DCHS1: variants seen among roughly 807,000 people sequenced by gnomAD.
DCHS1 encodes dachsous cadherin-related 1.
Under a neutral mutation model 213.9 loss-of-function variants are expected in DCHS1, and 78 were observed. The ratio of observed to expected loss-of-function variants is 0.36; its 90% CI spans 0.30 to 0.44. DCHS1 has a LOEUF of 0.44. Among genes scored for constraint, DCHS1 ranks in the 20% least tolerant of loss-of-function variants. The pLI is 1.00. For synonymous variants in DCHS1, 1,828 were observed against 1,873.7 expected (o/e 0.98, Z 0.63); for missense variants, 3,946 against 4,395.9 (o/e 0.90, Z 2.89).
chr11:6,641,514 C>CGAG lies in DCHS1; in HGVS notation c.99_100insCTC (p.Leu33dup), dbSNP rs376287018. The CGAG allele has an allele frequency of 6.4e-7, 1 of 1,551,224 alleles. No individual in the cohort carries two copies. The highest frequency in any genetic ancestry group is 8.7e-7 in the Non-Finnish European group (1 of 1,148,716). The stretch of plus-strand genomic sequence containing the variant: ...CCCCAGGCACCTGGCACCCCAGCCC[C>CGAG]CAGCAGCAGCAGCAGCAGCAGCAGC... On this transcript the variant is annotated inframe_insertion, in exon 2 of 21. Transcript: ENST00000299441. The surrounding 1 kb of genome is among the most constrained non-coding windows in gnomAD (Gnocchi z 7.1).
chr11:6,648,525 A>C (rs1388215613), intron 1 of DCHS1, among the ~76,000 whole-genome samples: 1 of 152,216 alleles, frequency 6.6e-6, no homozygotes, highest in East Asian at 1.9e-4. Flanking sequence ...GGGAAATGAG[A>C]AAGAATGGAT....
In DCHS1 at chr11:6,630,338, G is replaced by A; in HGVS notation, c.4456C>T (p.Leu1486Phe). 7.6e-7 allele frequency: 1 copy of A among 1,310,884 alleles called. No individual in the cohort carries two copies. The allele number at this position is 1,310,884 out of a possible 1,614,324, so 81.2% of individuals were successfully genotyped here. A position where few individuals can be genotyped will look rare whatever the true frequency, so the allele number is the denominator to read the frequency against. Reference protein sequence around the residue: ...LLRQEPPVPALRLDARTGALS... With the variant: ...LLRQEPPVPAFRLDARTGALS... Reference sequence around the variant, plus strand: ...GCCCCGGTGCGCGCGTCCAGGCGAAGCGCCGGCACGGGCGGCTCCTGGCGC... The same window carrying A: ...GCCCCGGTGCGCGCGTCCAGGCGAAACGCCGGCACGGGCGGCTCCTGGCGC... The change falls in exon 10 of 21, where the codon CTT (leucine) becomes TTT (phenylalanine). Residue 1486 changes from leucine to phenylalanine, a missense_variant. Transcript: ENST00000299441.
At position 6,630,753 on chromosome 11, in the gene DCHS1, G is replaced by A; in HGVS notation, c.4041C>T (p.Pro1347=). 3 of 1,545,928 alleles carry A rather than the reference G, an allele frequency of 1.9e-6. No homozygotes were observed. Among genetic ancestry groups the A allele is most frequent in the Non-Finnish European group, 2.6e-6 (3 of 1,147,330 alleles). ...LTVTAAEGLR[P]GSLLGSVAAP... ...CTGCCACCGAGCCCAACAGAGAGCC[G>A]GGCCGCAGTCCCTCAGCTGCTGTCA... is the stretch of plus-strand genomic sequence containing the variant. Residue 1347 remains proline, a synonymous_variant, in exon 10 of 21, where the codon CCC becomes CCT. Coordinates refer to ENST00000299441, the MANE Select transcript of DCHS1 (RefSeq NM_003737.4).
chr11:6,630,414 C>A lies in DCHS1; in HGVS notation c.4380G>T (p.Ala1460=). ...TGGGGCCGGGGCCGTCGGCGTCCGA[C>A]GCGCGGAAAGTGTACAGCGCTGCGC... ...EPGAALYTFR[A]SDADGPGPNS... is the part of the protein sequence containing the mutation. The change falls in exon 10 of 21, where the codon GCG becomes GCT. Residue 1460 remains alanine (A), a synonymous_variant. Coordinates refer to ENST00000299441, the MANE Select transcript of DCHS1 (RefSeq NM_003737.4). The A allele has an allele frequency of 6.9e-7, 1 of 1,439,274 alleles. No homozygotes were observed. Among genetic ancestry groups the A allele is most frequent in the South Asian group, 1.3e-5 (1 of 75,678 alleles). The allele number at this position is 1,439,274 out of a possible 1,614,324, so 89.2% of individuals were successfully genotyped here.
chr11:6,640,583 C>G lies in DCHS1; in HGVS notation c.1031G>C (p.Gly344Ala). The change falls in exon 2 of 21, where the codon GGC (glycine) becomes GCC (alanine). Residue 344 changes from glycine (G) to alanine (A), a missense_variant. Transcript: ENST00000299441. The surrounding 1 kb of genome is among the most constrained non-coding windows in gnomAD (Gnocchi z 6.5). ...ARDGGAHPEL[G>A]SAFVTVHVRD... ...CACATGCACAGTCACAAAGGCCGAG[C>G]CCAGCTCAGGGTGAGCCCCACCATC... The G allele has an allele frequency of 6.2e-7, 1 of 1,608,650 alleles. No homozygotes were observed. The highest frequency in any genetic ancestry group is 8.5e-7 in the Non-Finnish European group (1 of 1,179,862).
At chr11:6,635,737 G>GCGGCGGC in intron 2 of DCHS1, among the ~76,000 whole-genome samples, 1 of 152,312 alleles carries the variant, frequency 6.6e-6, no homozygotes, top group Middle Eastern at 3.4e-3. Flanking sequence ...CAGCACAGCT[G>GCGGCGGC]CGGCACCATC....
At chr11:6,648,554 A>G (rs1465175973) in intron 1 of DCHS1, among the ~76,000 whole-genome samples, 1 of 152,224 alleles carries the variant, frequency 6.6e-6, no homozygotes, top group African/African-American at 2.4e-5. Context: ...AGCTAGCCAT[A>G]GAGCAGACAT....
intron 2 of DCHS1, among the ~76,000 whole-genome samples, chr11:6,639,262 G>A (rs970759014): frequency 1.3e-5 from 2 of 152,298 alleles, no homozygotes; most frequent in Middle Eastern, 3.4e-3. Flanking sequence ...CAGCCAGTAT[G>A]TGTCTTTCTC....
chr11:6,624,602 G>A (rs1855763384), intron 20 of DCHS1, 128 bp downstream of exon 20: 2 of 1,439,610 alleles, frequency 1.4e-6, no homozygotes, highest in African/African-American at 2.8e-5. Flanking sequence ...GAAGACAGAG[G>A]GGAGGAAATG....
intron 2 of DCHS1, among the ~76,000 whole-genome samples, chr11:6,639,120 AAAAG>A (rs1474107011): frequency 2.0e-5 from 3 of 152,014 alleles, no homozygotes; most frequent in Non-Finnish European, 4.4e-5. Context: ...AAAAAAAAAA[AAAAG>A]AAGTTCAGTG....
In DCHS1 at chr11:6,623,296, A is replaced by G. The variant is rs1855735865; in HGVS notation, c.8380T>C (p.Ser2794Pro). The G allele has an allele frequency of 6.3e-7, 1 of 1,589,160 alleles. No homozygotes were observed. Among genetic ancestry groups the G allele is most frequent in the Non-Finnish European group, 8.6e-7 (1 of 1,167,706 alleles). ...LVGAADAGNL[S>P]ASVTVSVLVT... ...AGCACCGACACAGTGACAGAGGCTG[A>G]GAGATTCCCAGCATCAGCAGCACCC... Residue 2794 changes from serine to proline, a missense_variant, in exon 21 of 21, where the codon TCA (serine) becomes CCA (proline). Physicochemically the swap from Ser to Pro is moderately conservative, Grantham distance 74 (BLOSUM62 -1). Transcript: ENST00000299441.
intron 1 of DCHS1, 87 bp downstream of exon 1, chr11:6,655,476 C>T: frequency 5.7e-6 from 5 of 883,730 alleles, no homozygotes; most frequent in Non-Finnish European, 6.8e-6. Flanking sequence ...ACAAAGCCCC[C>T]GGCTCCGCCG....
chr11:6,633,764 G>T, intron 4 of DCHS1, 25 bp downstream of exon 4: 1 of 1,605,896 alleles, frequency 6.2e-7, no homozygotes, highest in Non-Finnish European at 8.5e-7. Context: ...CTGGGGGAAG[G>T]CCCCGGGAAT....
Position 6,626,692 on chromosome 11 carries a change from T to C in DCHS1, c.6251-27A>G, listed in dbSNP as rs953302819. ...TGCAGAAAGAACGGTATTGTTGGAC[T>C]GTGAGCGCGAGACTGGGAGAGTTTG... On this transcript the variant is annotated intron_variant, in intron 14 of 20. Transcript: ENST00000299441. This position sits in a 1 kb window ranked among gnomAD's most constrained non-coding sequence, Gnocchi z 5.2. The C allele has an allele frequency of 6.2e-7, 1 of 1,612,778 alleles. No homozygotes were observed. Among genetic ancestry groups the C allele is most frequent in the Non-Finnish European group, 8.5e-7 (1 of 1,179,304 alleles).
Position 6,625,966 on chromosome 11 carries a change from T to C in DCHS1, c.6685A>G (p.Ile2229Val), listed in dbSNP as rs748941825. ...LFHVDPTTGT[I>V]TTTAILDREI... is the part of the protein sequence containing the mutation. ...CGGTCCAGGATGGCTGTGGTAGTGA[T>C]AGTGCCTGTGGTTGGGTCTACGTGG... The change falls in exon 17 of 21, where the codon ATC (isoleucine) becomes GTC (valine). Residue 2229 changes from isoleucine to valine, a missense_variant. Transcript: ENST00000299441. This position sits in a 1 kb window ranked among gnomAD's most constrained non-coding sequence, Gnocchi z 5.3. The C allele has an allele frequency of 1.9e-6, 3 of 1,613,658 alleles. No homozygotes were observed. The highest frequency in any genetic ancestry group is 2.5e-6 in the Non-Finnish European group (3 of 1,179,766).
intron 4 of DCHS1, 45 bp downstream of exon 4, chr11:6,633,744 G>T: frequency 1.2e-6 from 2 of 1,600,352 alleles, no homozygotes; most frequent in South Asian, 2.2e-5. Context: ...AGGCAGGTGG[G>T]GAGGGGGACC....
rs752799248 is a variant in DCHS1, at chr11:6,622,219, C to T, written c.9457G>A (p.Gly3153Ser). The T allele has an allele frequency of 4.2e-5, 68 of 1,600,952 alleles. No individual in the cohort carries two copies. The highest frequency in any genetic ancestry group is 5.4e-5 in the Non-Finnish European group (63 of 1,175,934). ...VAGALTAIVA[G>S]EEELRGSYNW... ...TAGCTGCCACGGAGCTCCTCCTCGC[C>T]GGCCACAATGGCTGTCAGCGCACCT... is the stretch of plus-strand genomic sequence containing the variant. The change falls in exon 21 of 21, where the codon GGC becomes AGC. Residue 3153 changes from glycine (G) to serine (S), a missense_variant. By Grantham distance (56) the Gly-to-Ser change is moderately conservative. Around this residue, in one of 3 missense-constraint regions of DCHS1, gnomAD observed 554 missense variants for 590.2 expected, o/e 0.94. Transcript: ENST00000299441. The surrounding 1 kb of genome is among the most constrained non-coding windows in gnomAD (Gnocchi z 5.4).
chr11:6,644,481 C>T lies in DCHS1; in HGVS notation c.-120-2748G>A, dbSNP rs1856126879. 2.0e-5 allele frequency among the ~76,000 whole-genome samples: 3 copies of T among 152,384 alleles called. No homozygotes were observed. The South Asian group carries it at 6.2e-4, about 32-fold the overall frequency. On this transcript the variant is annotated intron_variant, in intron 1 of 20. Transcript: ENST00000299441. ...TCTAAAAATCCTCTCCACAAAATCA[C>T]TCCCTCCTGCCTGTGCAGAGCCTAT...
chr11:6,633,034 A>C lies in DCHS1; in HGVS notation c.2478T>G (p.Leu826=). 1.2e-6 allele frequency: 2 copies of C among 1,608,672 alleles called. 1 individual carries two copies. Among genetic ancestry groups the C allele is most frequent in the South Asian group, 2.2e-5 (2 of 90,818 alleles). Residue 826 remains leucine, a synonymous_variant, in exon 6 of 21, where the codon CTT becomes CTG. Transcript: ENST00000299441. The part of the protein sequence containing the change: ...NPPGRLAPVT[L]SLSGGDPRGL... ...CTCGGGGATCCCCACCTGATAGGGA[A>C]AGGGTCACAGGTGCCAAGCGACCTA...
Sources: allele counts gnomAD v4.1 joint callset (sites outside exome capture counted in the v4.1 genomes callset), GRCh38; gene constraint gnomAD v4.1.1; regional missense constraint gnomAD v4.1.1; non-coding constraint Gnocchi (gnomAD v3.1); transcripts MANE v1.5; gene names NCBI Gene and HGNC (gene_info 2026-07-23, HGNC 2026-07-21).